The following VPS50 variants were observed in gnomAD, a reference collection of about 807,000 sequenced individuals.
The protein encoded by VPS50 is VPS50 subunit of EARP/GARPII complex.
In VPS50, 70 loss-of-function variants were observed where a neutral mutation model predicts 139.7. That is an observed-to-expected ratio of 0.50 (90% CI 0.41 to 0.61). The LOEUF (loss-of-function observed/expected upper bound fraction) is 0.61. VPS50 is among the 20% of genes least tolerant of loss of function. The probability of loss-of-function intolerance (pLI) is 0.00; values close to 1 mark genes in which losing one functional copy is unlikely to be tolerated. For synonymous variants in VPS50, 365 were observed against 376.7 expected, an observed-to-expected ratio of 0.97 and a Z score of 0.36; for missense variants, 921 against 1,133.7, an observed-to-expected ratio of 0.81 and a Z score of 2.69.
intron 1 of VPS50, among the ~76,000 whole-genome samples, chr7:93,235,337 A>G (rs55635338): frequency 0.15 from 22,553 of 152,182 alleles, 2,706 homozygotes; most frequent in East Asian, 0.4. Flanking sequence ...TAGCAAGGTC[A>G]TGGCTTTCAT....
intron 22 of VPS50, among the ~76,000 whole-genome samples, chr7:93,335,289 A>G (rs990316691): frequency 2.6e-5 from 4 of 152,220 alleles, no homozygotes; most frequent in Admixed American, 2.0e-4. Flanking sequence ...GCATGTACTG[A>G]TATCTCAGGT....
chr7:93,259,795 C>T (rs13234760), intron 9 of VPS50, among the ~76,000 whole-genome samples, 163 bp downstream of exon 9: 1 of 152,100 alleles, frequency 6.6e-6, no homozygotes, highest in East Asian at 1.9e-4. Flanking sequence ...AAATAATAGG[C>T]TTTAAGGTGT....
chr7:93,329,905 T>C (rs1274034198), intron 21 of VPS50, among the ~76,000 whole-genome samples: 1 of 152,106 alleles, frequency 6.6e-6, no homozygotes, highest in Non-Finnish European at 1.5e-5. Context: ...CTAAAGGAAG[T>C]TATTAAACTG....
chr7:93,323,539 TTC>T (rs1554374937), intron 20 of VPS50, 70 bp from the exon 21 acceptor site: 1 of 513,402 alleles, frequency 1.9e-6, no homozygotes, highest in Non-Finnish European at 2.9e-6. Flanking sequence ...TAATTTTATT[TTC>T]TTTTTATAAT....
At chr7:93,271,017 T>C in intron 9 of VPS50, 1 of 673,164 alleles carries the variant, frequency 1.5e-6, no homozygotes, top group Non-Finnish European at 2.1e-6. Context: ...ACTCACGCAA[T>C]CCTGTTGCTG....
chr7:93,329,985 C>T (rs1487584495), intron 21 of VPS50, among the ~76,000 whole-genome samples: 2 of 152,112 alleles, frequency 1.3e-5, no homozygotes, highest in African/African-American at 2.4e-5. Context: ...ATGGAATCTA[C>T]CTGTGGAAAT....
chr7:93,272,902 G>T (rs1205268976), intron 11 of VPS50, 169 bp downstream of exon 11: 3 of 457,096 alleles, frequency 6.6e-6, no homozygotes, highest in African/African-American at 4.2e-5. Flanking sequence ...GACTCAGAGG[G>T]TATATAATGT....
chr7:93,282,444 AT>A (rs2116913061), intron 12 of VPS50, among the ~76,000 whole-genome samples: 1 of 152,260 alleles, frequency 6.6e-6, no homozygotes, highest in East Asian at 1.9e-4. Context: ...GAGAAATGAA[AT>A]TGCATTGTCT....
rs138784387 is a variant in VPS50 at position 93,291,792 on chromosome 7, A to G, written c.1032A>G (p.Glu344=). Residue 344 remains glutamate (E), a synonymous_variant, in exon 13 of 28, where the codon GAA becomes GAG. Transcript: ENST00000305866. The stretch of plus-strand genomic sequence containing the variant: ...TGCTCAGCTATTATAGGACTATGGA[A>G]TGGCATGAAAAGCATGACAATGAGG... The part of the protein sequence containing the change: ...EVMLSYYRTM[E]WHEKHDNEDT... The G allele has an allele frequency of 6.2e-7, 1 of 1,603,954 alleles. No individual in the cohort carries two copies. The highest frequency in any genetic ancestry group is 1.3e-5 in the African/African-American group (1 of 74,814).
intron 16 of VPS50, among the ~76,000 whole-genome samples, chr7:93,301,968 G>A (rs967084988): frequency 1.3e-5 from 2 of 152,190 alleles, no homozygotes; most frequent in Non-Finnish European, 2.9e-5. Flanking sequence ...TAGGCATGAA[G>A]TGGTATCTTA....
intron 2 of VPS50, among the ~76,000 whole-genome samples, chr7:93,243,557 T>C (rs1236647142): frequency 6.6e-6 from 1 of 152,034 alleles, no homozygotes; most frequent in Non-Finnish European, 1.5e-5. Flanking sequence ...AAAATTTCAT[T>C]CTTCGAAATG....
At chr7:93,261,996 T>C (rs2116852462) in intron 9 of VPS50, among the ~76,000 whole-genome samples, 1 of 152,270 alleles carries the variant, frequency 6.6e-6, no homozygotes, top group South Asian at 2.1e-4. Flanking sequence ...CTATCAAGTG[T>C]AAGGTGAGGA....
intron 21 of VPS50, among the ~76,000 whole-genome samples, chr7:93,331,148 AT>A (rs1475799135): frequency 1.3e-5 from 2 of 152,120 alleles, no homozygotes; most frequent in African/African-American, 4.8e-5. Flanking sequence ...CCATGTGCAT[AT>A]ATTAGAAAAC....
intron 23 of VPS50, among the ~76,000 whole-genome samples, chr7:93,347,782 C>T (rs1383400331): frequency 7.3e-6 from 1 of 136,314 alleles, no homozygotes; most frequent in Non-Finnish European, 1.5e-5. Context: ...ACAATGAGAA[C>T]ACACGGACAC....
intron 12 of VPS50, among the ~76,000 whole-genome samples, 195 bp from the exon 13 acceptor site, chr7:93,291,508 G>A (rs1454164256): frequency 2.6e-5 from 4 of 151,992 alleles, no homozygotes; most frequent in Admixed American, 6.6e-5. Flanking sequence ...TAATGTGTAC[G>A]AAAAAGCCAT....
At chr7:93,270,440 G>C (rs1044903897) in intron 9 of VPS50, among the ~76,000 whole-genome samples, 1 of 151,948 alleles carries the variant, frequency 6.6e-6, no homozygotes, top group African/African-American at 2.4e-5. Context: ...TATTTTTGTG[G>C]TTCACATAAA....
intron 18 of VPS50, among the ~76,000 whole-genome samples, chr7:93,306,326 T>C (rs73219906): frequency 3.3e-5 from 5 of 152,022 alleles, no homozygotes; most frequent in African/African-American, 1.2e-4. Context: ...TTATGTGATA[T>C]ATTGTGAGAT....
intron 4 of VPS50, among the ~76,000 whole-genome samples, chr7:93,254,186 T>G (rs190881722): frequency 1.1e-4 from 16 of 152,346 alleles, no homozygotes; most frequent in Non-Finnish European, 1.9e-4. Flanking sequence ...TCAAAGAACT[T>G]TGAACTTTGT....
At chr7:93,305,502 C>G (rs1018109589) in intron 17 of VPS50, among the ~76,000 whole-genome samples, 6 of 151,742 alleles carry the variant, frequency 4.0e-5, no homozygotes, top group African/African-American at 1.4e-4. Context: ...TTTTGCTGTT[C>G]TGTTAAAATT....
Sources: allele counts gnomAD v4.1 joint callset (sites outside exome capture counted in the v4.1 genomes callset), GRCh38; gene constraint gnomAD v4.1.1; transcripts MANE v1.5; gene names NCBI Gene and HGNC (gene_info 2026-07-23, HGNC 2026-07-21).